ITPR1: variants seen among roughly 807,000 people sequenced by gnomAD.
The protein encoded by ITPR1 is inositol 1,4,5-trisphosphate receptor type 1.
Under a neutral mutation model 318.4 loss-of-function variants are expected in ITPR1, and 96 were observed. That is an observed-to-expected ratio of 0.30 (90% CI 0.26 to 0.36). The LOEUF is 0.36. Among genes scored for constraint, ITPR1 ranks in the 10% least tolerant of loss-of-function variants. The pLI is 1.00. For missense variants in ITPR1, 2,440 were observed against 3,460.2 expected, an observed-to-expected ratio of 0.71 and a Z score of 7.40; for synonymous variants, 1,312 against 1,289.9, an observed-to-expected ratio of 1.02 and a Z score of -0.37.
At chr3:4,511,020 G>T (rs557256472) in intron 2 of ITPR1, among the ~76,000 whole-genome samples, 22 of 152,188 alleles carry the variant, frequency 1.4e-4, no homozygotes, top group Admixed American at 1.3e-3. Context: ...AACAGGTTGG[G>T]CAGGCAGGTA....
intron 44 of ITPR1, among the ~76,000 whole-genome samples, chr3:4,751,840 A>G (rs2044551227): frequency 6.6e-6 from 1 of 152,292 alleles, no homozygotes; most frequent in African/African-American, 2.4e-5. Context: ...GGGACAGTGA[A>G]GGCGCCTCAT....
chr3:4,810,379 G>C (rs2048856788), intron 55 of ITPR1, among the ~76,000 whole-genome samples: 1 of 152,174 alleles, frequency 6.6e-6, no homozygotes, highest in South Asian at 2.1e-4. Context: ...TGGAAAACTA[G>C]CCATCATCCT....
intron 52 of ITPR1, among the ~76,000 whole-genome samples, chr3:4,792,523 G>C (rs2047633418): frequency 6.6e-6 from 1 of 152,206 alleles, no homozygotes; most frequent in Non-Finnish European, 1.5e-5. Flanking sequence ...ATGTCAGCCA[G>C]GGCTGCCATC....
At chr3:4,618,194 T>G (rs1315661845) in intron 4 of ITPR1, among the ~76,000 whole-genome samples, 1 of 152,178 alleles carries the variant, frequency 6.6e-6, no homozygotes. Context: ...CACTTTAAAA[T>G]GGTTAATTTT....
At chr3:4,572,245 A>G (rs948006807) in intron 4 of ITPR1, among the ~76,000 whole-genome samples, 15 of 152,196 alleles carry the variant, frequency 9.9e-5, no homozygotes, top group Non-Finnish European at 2.1e-4. Flanking sequence ...ATTTGGATGT[A>G]TCTCATAGGC....
At chr3:4,754,791 C>T (rs1346810522) in intron 44 of ITPR1, among the ~76,000 whole-genome samples, 6 of 152,204 alleles carry the variant, frequency 3.9e-5, no homozygotes, top group Non-Finnish European at 8.8e-5. Context: ...TACCACAGTC[C>T]CCTTCCACTT....
chr3:4,802,636 A>C (rs1277549214), intron 54 of ITPR1, among the ~76,000 whole-genome samples: 1 of 152,098 alleles, frequency 6.6e-6, no homozygotes, highest in Non-Finnish European at 1.5e-5. Context: ...CAGCCTGGCC[A>C]GTATGCATGT....
chr3:4,771,838 G>A (rs1268877456), intron 46 of ITPR1, among the ~76,000 whole-genome samples: 1 of 152,056 alleles, frequency 6.6e-6, no homozygotes, highest in African/African-American at 2.4e-5. Context: ...GGGAGCGCAC[G>A]GGATCCTTTG....
At chr3:4,562,068 C>A (rs2086729590) in intron 4 of ITPR1, among the ~76,000 whole-genome samples, 1 of 149,586 alleles carries the variant, frequency 6.7e-6, no homozygotes, top group Non-Finnish European at 1.5e-5. Flanking sequence ...AGAAAATACA[C>A]TAACAACAGC....
intron 61 of ITPR1, among the ~76,000 whole-genome samples, chr3:4,839,276 G>A (rs1417652637): frequency 6.6e-6 from 1 of 151,774 alleles, no homozygotes; most frequent in Non-Finnish European, 1.5e-5. Flanking sequence ...GTGGTGAGCC[G>A]AGATCACGTC....
intron 4 of ITPR1, among the ~76,000 whole-genome samples, chr3:4,550,001 A>G (rs2085397928): frequency 6.6e-6 from 1 of 152,204 alleles, no homozygotes; most frequent in African/African-American, 2.4e-5. Flanking sequence ...ACAACCCTTC[A>G]ATGCCTCTGT....
rs76064042 is a variant in ITPR1, at chr3:4,768,177, G to A, written c.5726-334G>A. The stretch of plus-strand genomic sequence containing the variant: ...AGCTTCTTAAGAACTTTCTTGAGAT[G>A]TTATTCACGGATGCTCTCCCATTTT... On this transcript the variant is annotated intron_variant, in intron 45 of 61. Transcript: ENST00000649015. The A allele has an allele frequency of 3.5e-3, 818 of 231,714 alleles. 6 individuals carry two copies. The highest frequency in any genetic ancestry group is 0.017 in the African/African-American group (744 of 44,680). The allele number at this position is 231,714 out of a possible 1,614,324, so 14.4% of individuals were successfully genotyped here. A position where few individuals can be genotyped will look rare whatever the true frequency, so the allele number is the denominator to read the frequency against.
chr3:4,557,817 T>G (rs1219474261), intron 4 of ITPR1, among the ~76,000 whole-genome samples: 1 of 152,134 alleles, frequency 6.6e-6, no homozygotes, highest in Non-Finnish European at 1.5e-5. Flanking sequence ...TAAATGTAAA[T>G]GTAATTAGAG....
intron 44 of ITPR1, among the ~76,000 whole-genome samples, chr3:4,757,362 A>T (rs927405929): frequency 6.6e-6 from 1 of 152,190 alleles, no homozygotes; most frequent in Non-Finnish European, 1.5e-5. Flanking sequence ...TAACAAATGT[A>T]TTAAACGTCA....
intron 40 of ITPR1, 26 bp downstream of exon 40, chr3:4,717,425 T>C: frequency 6.4e-7 from 1 of 1,573,014 alleles, no homozygotes; most frequent in Non-Finnish European, 8.7e-7. Context: ...TTTTTTGTTT[T>C]TCATGTCTCA....
chr3:4,563,296 C>T (rs2086869546), intron 4 of ITPR1, among the ~76,000 whole-genome samples: 1 of 152,038 alleles, frequency 6.6e-6, no homozygotes, highest in Non-Finnish European at 1.5e-5. Flanking sequence ...TTGCTTGAGC[C>T]CAGGAGTTCA....
Position 4,683,563 on chromosome 3 carries a change from C to T in ITPR1, c.3327+12C>T, listed in dbSNP as rs116022052. The T allele has an allele frequency of 1.5e-3, 2,478 of 1,613,658 alleles. 33 individuals are homozygous for T. In the African/African-American group the frequency reaches 0.027, roughly 18 times the overall value. On this transcript the variant is annotated intron_variant, in intron 27 of 61. Coordinates refer to ENST00000649015, the MANE Select transcript of ITPR1 (RefSeq NM_001378452.1). The stretch of plus-strand genomic sequence containing the variant: ...AGGCCTTCAAACAGGTAGCTCAGGT[C>T]ACCCACGTGTGTGTTGTCTGTCCAA...
At chr3:4,613,997 T>G (rs1455880073) in intron 4 of ITPR1, among the ~76,000 whole-genome samples, 2 of 152,182 alleles carry the variant, frequency 1.3e-5, no homozygotes, top group African/African-American at 4.8e-5. Flanking sequence ...AACCACTGTT[T>G]TAATGCTGTC....
intron 60 of ITPR1, among the ~76,000 whole-genome samples, chr3:4,829,966 T>G (rs1344357993): frequency 1.9e-4 from 19 of 102,228 alleles, no homozygotes; most frequent in South Asian, 8.0e-4. Context: ...TTTTTTTTTT[T>G]TTTTTTTTTT....
Sources: gnomAD v4.1 joint callset for allele counts (sites outside exome capture counted in the v4.1 genomes callset) on GRCh38, gnomAD v4.1.1 for gene constraint, MANE v1.5 for transcripts, NCBI Gene and HGNC (gene_info 2026-07-23, HGNC 2026-07-21) for gene names.